Variants in TAFA2 observed in about 807,000 individuals in gnomAD.
The protein encoded by TAFA2 is TAFA chemokine like family member 2.
A neutral mutation model predicts 18.8 loss-of-function variants in TAFA2; 7 were observed. The ratio of observed to expected loss-of-function variants is 0.37; its 90% CI spans 0.21 to 0.70. The LOEUF (loss-of-function observed/expected upper bound fraction) is 0.70. Ranked by LOEUF, TAFA2 falls within the 30% of genes least tolerant of loss-of-function variation. The pLI, the probability that TAFA2 is intolerant of heterozygous loss-of-function variation, is 0.53. For synonymous variants in TAFA2, 60 were observed against 54.2 expected, an observed-to-expected ratio of 1.11 and a Z score of -0.47; for missense variants, 122 against 158.1, an observed-to-expected ratio of 0.77 and a Z score of 1.23.
intron 1 of TAFA2, among the ~76,000 whole-genome samples, chr12:62,104,452 T>A (rs934088616): frequency 1.3e-5 from 2 of 152,236 alleles, no homozygotes; most frequent in East Asian, 3.8e-4. Flanking sequence ...TTAGCCCGTG[T>A]CTTTTGTTGA....
At chr12:61,874,775 T>C (rs1874769989) in intron 1 of TAFA2, among the ~76,000 whole-genome samples, 1 of 152,152 alleles carries the variant, frequency 6.6e-6, no homozygotes, top group African/African-American at 2.4e-5. Flanking sequence ...TCATTTACGA[T>C]TTTTCAGAGC....
chr12:62,021,087 G>T lies in TAFA2; in HGVS notation c.-1-153661C>A, dbSNP rs1881114840. On this transcript the variant is annotated intron_variant, in intron 1 of 4. Coordinates refer to ENST00000416284, the MANE Select transcript of TAFA2 (RefSeq NM_178539.5). ...AGAACACTTACTAAAACAGAAAAAG[G>T]TTGCTAATTTCTATACTAAATACTG... Among the ~76,000 whole-genome samples the T allele has an allele frequency of 2.6e-5, 4 of 152,072 alleles. No individual in the cohort carries two copies. The South Asian group carries it at 8.3e-4, about 31-fold the overall frequency.
At chr12:62,167,442 T>C (rs1001179271) in intron 1 of TAFA2, among the ~76,000 whole-genome samples, 2 of 152,176 alleles carry the variant, frequency 1.3e-5, no homozygotes, top group African/African-American at 2.4e-5. Context: ...GTGTTAGTAT[T>C]GTCATTCGGA....
intron 1 of TAFA2, among the ~76,000 whole-genome samples, chr12:61,909,501 C>A (rs1218238506): frequency 3.9e-5 from 6 of 152,116 alleles, no homozygotes; most frequent in African/African-American, 1.4e-4. Flanking sequence ...GAAAATCAAT[C>A]TCTGTAGAGA....
At chr12:61,965,700 T>C (rs1358839471) in intron 1 of TAFA2, among the ~76,000 whole-genome samples, 1 of 151,906 alleles carries the variant, frequency 6.6e-6, no homozygotes, top group Non-Finnish European at 1.5e-5. Flanking sequence ...GTTCCAACAG[T>C]ACTTTGACAA....
chr12:61,938,230 T>TAAAAAAAAAAAAAAAAAAAAAAA, intron 1 of TAFA2, among the ~76,000 whole-genome samples: 1 of 98,484 alleles, frequency 1.0e-5, no homozygotes, highest in African/African-American at 3.8e-5. Context: ...ATAGATATGG[T>TAAAAAAAAAAAAAAAAAAAAAAA]AAAAAAAAAA....
intron 1 of TAFA2, among the ~76,000 whole-genome samples, chr12:62,026,512 G>A (rs186781265): frequency 3.3e-5 from 5 of 152,086 alleles, no homozygotes; most frequent in East Asian, 1.9e-4. Context: ...TTCTCTTTCC[G>A]ACTCCAGCTC....
At chr12:61,879,670 C>T (rs539073479) in intron 1 of TAFA2, 177 of 1,020,584 alleles carry the variant, frequency 1.7e-4, no homozygotes, top group Middle Eastern at 2.1e-4. Flanking sequence ...AGCAGCAGAA[C>T]AGGATGCTGG....
chr12:62,117,402 A>T (rs536462418), intron 1 of TAFA2, among the ~76,000 whole-genome samples: 1 of 152,188 alleles, frequency 6.6e-6, no homozygotes, highest in Non-Finnish European at 1.5e-5. Flanking sequence ...TTTTCTAAAT[A>T]TAAAAAAAAA....
chr12:62,039,080 C>T (rs980735712), intron 1 of TAFA2, among the ~76,000 whole-genome samples: 19 of 152,138 alleles, frequency 1.2e-4, no homozygotes, highest in African/African-American at 4.1e-4. Flanking sequence ...CTAAAAAATT[C>T]TAGACCCTCT....
intron 1 of TAFA2, among the ~76,000 whole-genome samples, chr12:62,175,824 C>T (rs1410475274): frequency 2.0e-5 from 3 of 151,684 alleles, no homozygotes; most frequent in Non-Finnish European, 4.4e-5. Context: ...AGCAACAATT[C>T]TAATGAGACC....
At chr12:61,766,062 C>A (rs1458464247) in intron 2 of TAFA2, among the ~76,000 whole-genome samples, 2 of 152,044 alleles carry the variant, frequency 1.3e-5, no homozygotes, top group Non-Finnish European at 2.9e-5. Context: ...AACTTCACTT[C>A]TACTGATTTA....
intron 1 of TAFA2, among the ~76,000 whole-genome samples, chr12:62,244,237 C>CTTTTTTTTTTTTTTTTTT (rs35569192): frequency 7.4e-6 from 1 of 134,276 alleles, no homozygotes; most frequent in Non-Finnish European, 1.6e-5. Flanking sequence ...TTTCTTTTGT[C>CTTTTTTTTTTTTTTTTTT]TTTTTTTTTT....
intron 1 of TAFA2, among the ~76,000 whole-genome samples, chr12:62,059,391 G>C (rs1882285279): frequency 6.6e-6 from 1 of 151,968 alleles, no homozygotes; most frequent in South Asian, 2.1e-4. Context: ...TTAGGCCCTG[G>C]GGCTGCTGCA....
intron 2 of TAFA2, among the ~76,000 whole-genome samples, chr12:61,866,253 T>A (rs76539685): frequency 0.087 from 13,253 of 152,180 alleles, 791 homozygotes; most frequent in East Asian, 0.19. Context: ...TGATTTTAAA[T>A]ACAGGGGGAA....
At chr12:61,832,259 CTTCCCTTG>C (rs939530220) in intron 2 of TAFA2, among the ~76,000 whole-genome samples, 1 of 152,064 alleles carries the variant, frequency 6.6e-6, no homozygotes, top group Non-Finnish European at 1.5e-5. Flanking sequence ...CGTTTACCTG[CTTCCCTTG>C]CAAAGCTCAC....
intron 1 of TAFA2, among the ~76,000 whole-genome samples, chr12:61,890,614 G>C (rs1437695782): frequency 6.6e-6 from 1 of 152,194 alleles, no homozygotes; most frequent in African/African-American, 2.4e-5. Flanking sequence ...CAAATAAGTA[G>C]CTACAGGGGG....
chr12:62,220,932 C>T (rs892435102), intron 1 of TAFA2, among the ~76,000 whole-genome samples: 1 of 151,748 alleles, frequency 6.6e-6, no homozygotes, highest in South Asian at 2.1e-4. Context: ...ACGGTGAAAC[C>T]CCATCTCTAC....
At chr12:62,091,338 G>T (rs775874504) in intron 1 of TAFA2, among the ~76,000 whole-genome samples, 3 of 151,914 alleles carry the variant, frequency 2.0e-5, no homozygotes, top group African/African-American at 7.2e-5. Flanking sequence ...CACATGCTTT[G>T]TATGTAGTAG....
Sources: allele counts gnomAD v4.1 joint callset (sites outside exome capture counted in the v4.1 genomes callset), GRCh38; gene constraint gnomAD v4.1.1; transcripts MANE v1.5; gene names NCBI Gene and HGNC (gene_info 2026-07-23, HGNC 2026-07-21).